SLC4A5: variants seen among roughly 807,000 people sequenced by gnomAD.
SLC4A5 encodes the protein electrogenic sodium bicarbonate cotransporter 4.
A neutral mutation model predicts 120.4 loss-of-function variants in SLC4A5; 96 were observed. That is an observed-to-expected ratio of 0.80 (90% CI 0.68 to 0.94). The LOEUF is 0.94. Among genes scored for constraint, SLC4A5 ranks in the 40% least tolerant of loss-of-function variants. The pLI is 0.00. For synonymous variants in SLC4A5, 550 were observed against 571.1 expected, an observed-to-expected ratio of 0.96 and a Z score of 0.53; for missense variants, 1,259 against 1,459.5, an observed-to-expected ratio of 0.86 and a Z score of 2.24.
At chr2:74,322,056 T>C (rs1673112537) in intron 5 of SLC4A5, among the ~76,000 whole-genome samples, 1 of 152,072 alleles carries the variant, frequency 6.6e-6, no homozygotes, top group Non-Finnish European at 1.5e-5. Context: ...AGCAGCCATC[T>C]TGCAACAATG....
At position 74,338,912 on chromosome 2, in the gene SLC4A5, A is replaced by C. The variant is rs76998926; in HGVS notation, c.-269-9T>G. On this transcript the variant is annotated splice_polypyrimidine_tract_variant and intron_variant, in intron 2 of 30. Coordinates refer to ENST00000394019, the Ensembl canonical transcript of SLC4A5. Reference sequence around the variant, plus strand: ...TTATCTTACACTCCCACCTGTGGACAAAAACAGAGATGTGGTTTGGGACAG... The same window carrying C: ...TTATCTTACACTCCCACCTGTGGACCAAAACAGAGATGTGGTTTGGGACAG... 4 of 152,370 alleles carry C rather than the reference A, an allele frequency of 2.6e-5. No homozygotes were observed. Among genetic ancestry groups the C allele is most frequent in the African/African-American group, 9.6e-5 (4 of 41,592 alleles). The allele number at this position is 152,370 out of a possible 1,614,324, so 9.4% of individuals were successfully genotyped here. A position where few individuals can be genotyped will look rare whatever the true frequency, so the allele number is the denominator to read the frequency against.
rs529724539 is a variant in SLC4A5 at position 74,234,926 on chromosome 2, G to A, written c.2433+175C>T. Reference sequence around the variant, plus strand: ...CCTGGTGAATATGTTACCCCTCCCCGCCCTACCTCAAAGGACTGGCTCCTG... The same window carrying A: ...CCTGGTGAATATGTTACCCCTCCCCACCCTACCTCAAAGGACTGGCTCCTG... On this transcript the variant is annotated intron_variant, in intron 22 of 30. Transcript: ENST00000394019. 1.5e-4 allele frequency among the ~76,000 whole-genome samples: 23 copies of A among 152,214 alleles called. No homozygotes were observed. The South Asian group carries it at 3.1e-3, about 21-fold the overall frequency.
At chr2:74,234,137 T>C (rs1489805224) in intron 22 of SLC4A5, among the ~76,000 whole-genome samples, 1 of 151,818 alleles carries the variant, frequency 6.6e-6, no homozygotes, top group Non-Finnish European at 1.5e-5. Context: ...CTCCCTACTC[T>C]GGTGAGATCG....
intron 6 of SLC4A5, chr2:74,308,017 G>T (rs1189061794): frequency 3.7e-6 from 2 of 538,904 alleles, no homozygotes; most frequent in African/African-American, 1.9e-5. Flanking sequence ...ATGCTGTCCG[G>T]GGAGGAGAGT....
chr2:74,285,910 A>G lies in SLC4A5; in HGVS notation c.272-8T>C, dbSNP rs1403131720. 4 of 1,587,348 alleles carry G rather than the reference A, an allele frequency of 2.5e-6. No individual in the cohort carries two copies. Among genetic ancestry groups the G allele is most frequent in the South Asian group, 1.1e-5 (1 of 87,590 alleles). On this transcript the variant is annotated splice_region_variant and splice_polypyrimidine_tract_variant and intron_variant, in intron 7 of 30. Coordinates refer to ENST00000394019, the Ensembl canonical transcript of SLC4A5. Reference sequence around the variant, plus strand: ...GCTCAGCAGCTGGGGACCCTGCAAAAGAGGGGCAGCAGGTCTGCTGAGTGT... The same window carrying G: ...GCTCAGCAGCTGGGGACCCTGCAAAGGAGGGGCAGCAGGTCTGCTGAGTGT...
intron 7 of SLC4A5, among the ~76,000 whole-genome samples, chr2:74,286,117 C>T (rs1671974759): frequency 6.6e-6 from 1 of 152,208 alleles, no homozygotes. Context: ...AAGATTTAGT[C>T]TGCATTCAGA....
intron 7 of SLC4A5, chr2:74,290,196 G>C (rs1672112998): frequency 1.0e-6 from 1 of 985,502 alleles, no homozygotes; most frequent in African/African-American, 1.7e-5. Context: ...CTGGAGAGAG[G>C]AGACAGGCAG....
chr2:74,239,395 C>T (rs1317879837), exon 21 of SLC4A5: 1 of 1,614,124 alleles, frequency 6.2e-7, no homozygotes, highest in Admixed American at 1.7e-5. Context: ...TGGAGTATGT[C>T]CCAAAGAAAA....
At chr2:74,247,374 C>T in intron 18 of SLC4A5, 67 bp from the exon 19 acceptor site, 1 of 1,529,964 alleles carries the variant, frequency 6.5e-7, no homozygotes, top group Admixed American at 2.0e-5. Flanking sequence ...ACTCCTCAGA[C>T]TCATCCTTAA....
At chr2:74,268,560 T>A (rs1398627737) in intron 8 of SLC4A5, among the ~76,000 whole-genome samples, 1 of 152,274 alleles carries the variant, frequency 6.6e-6, no homozygotes, top group Non-Finnish European at 1.5e-5. Flanking sequence ...TATTATTAAT[T>A]AAGGCTGGTT....
chr2:74,240,301 G>A (rs1192101373), intron 20 of SLC4A5, among the ~76,000 whole-genome samples: 1 of 151,910 alleles, frequency 6.6e-6, no homozygotes, highest in East Asian at 1.9e-4. Context: ...GGCTTTTCTT[G>A]GCCTCTCCAG....
intron 7 of SLC4A5, chr2:74,290,835 T>A: frequency 1.2e-6 from 1 of 868,572 alleles, no homozygotes; most frequent in Non-Finnish European, 1.4e-6. Flanking sequence ...CCCTTCCCCA[T>A]GAGTGCTTCC....
At chr2:74,267,316 A>G (rs1182955115) in intron 8 of SLC4A5, among the ~76,000 whole-genome samples, 1 of 152,168 alleles carries the variant, frequency 6.6e-6, no homozygotes, top group African/African-American at 2.4e-5. Flanking sequence ...ACAGGAATAT[A>G]ATTACACTGC....
At chr2:74,221,553 T>A (rs1694647856) in intron 29 of SLC4A5, 52 bp from the exon 30 acceptor site, 1 of 1,552,614 alleles carries the variant, frequency 6.4e-7, no homozygotes, top group Non-Finnish European at 8.9e-7. Context: ...AGCACCATAT[T>A]TCTCCGGGCT....
chr2:74,228,601 G>A (rs1558866740), intron 25 of SLC4A5, among the ~76,000 whole-genome samples: 1 of 152,040 alleles, frequency 6.6e-6, no homozygotes, highest in Non-Finnish European at 1.5e-5. Flanking sequence ...CTGAACTCCA[G>A]CCTGGGCGAA....
At position 74,273,091 on chromosome 2, in the gene SLC4A5, T is replaced by A. The variant is rs75233667; in HGVS notation, c.402-7827A>T. Among the ~76,000 whole-genome samples, 425 of 152,278 alleles carry A rather than the reference T, an allele frequency of 2.8e-3. 4 individuals are homozygous for A. The highest frequency in any genetic ancestry group is 9.6e-3 in the African/African-American group (400 of 41,540). On this transcript the variant is annotated intron_variant, in intron 8 of 30. Coordinates refer to ENST00000394019, the Ensembl canonical transcript of SLC4A5. ...GAATCTCAGACTAATTACATCAGAA[T>A]CTCAGGGGACTGACAATCAGACATC...
chr2:74,276,406 T>A (rs1257597532), intron 8 of SLC4A5, among the ~76,000 whole-genome samples: 1 of 152,138 alleles, frequency 6.6e-6, no homozygotes, highest in Non-Finnish European at 1.5e-5. Flanking sequence ...TAAAACAACC[T>A]CTCCAAAGCT....
chr2:74,258,148 C>T (rs1452091218), intron 12 of SLC4A5, among the ~76,000 whole-genome samples: 1 of 152,230 alleles, frequency 6.6e-6, no homozygotes, highest in East Asian at 1.9e-4. Flanking sequence ...CTGTCTGAAT[C>T]TACTCTCTGT....
intron 5 of SLC4A5, among the ~76,000 whole-genome samples, chr2:74,319,232 G>T (rs1480294690): frequency 4.6e-5 from 7 of 152,150 alleles, no homozygotes; most frequent in Non-Finnish European, 1.0e-4. Context: ...TAGGAAGGGG[G>T]TGAGGGTTGA....
Sources: gnomAD v4.1 joint callset for allele counts (sites outside exome capture counted in the v4.1 genomes callset) on GRCh38, gnomAD v4.1.1 for gene constraint, MANE v1.5 for transcripts, NCBI Gene and HGNC (gene_info 2026-07-23, HGNC 2026-07-21) for gene names.